GPC5: variants seen among roughly 807,000 people sequenced by gnomAD.
GPC5 encodes the protein glypican-5.
Under a neutral mutation model 53.9 loss-of-function variants are expected in GPC5, and 47 were observed. The ratio of observed to expected loss-of-function variants is 0.87; its 90% confidence interval spans 0.69 to 1.11. The LOEUF is 1.11. GPC5 is among the 50% of genes most tolerant of loss of function. The pLI, the probability that GPC5 is intolerant of heterozygous loss-of-function variation, is 0.00. For synonymous variants in GPC5, 286 were observed against 263.3 expected (o/e 1.09, Z -0.84); for missense variants, 748 against 713.1 (o/e 1.05, Z -0.56).
At chr13:92,805,276 C>A (rs1014616382) in intron 7 of GPC5, among the ~76,000 whole-genome samples, 8 of 152,030 alleles carry the variant, frequency 5.3e-5, no homozygotes, top group African/African-American at 1.9e-4. Context: ...AAATATATTT[C>A]TTAAGTAAGA....
intron 7 of GPC5, among the ~76,000 whole-genome samples, chr13:92,663,233 GT>G (rs944527594): frequency 1.3e-5 from 2 of 152,002 alleles, no homozygotes; most frequent in African/African-American, 4.8e-5. Context: ...ATAAAAACTA[GT>G]TATAACAAAT....
intron 7 of GPC5, among the ~76,000 whole-genome samples, chr13:92,446,254 C>T (rs541873767): frequency 6.6e-6 from 1 of 151,492 alleles, no homozygotes; most frequent in Non-Finnish European, 1.5e-5. Flanking sequence ...CCCCTGGTAC[C>T]CTTCCCAGCC....
intron 3 of GPC5, among the ~76,000 whole-genome samples, chr13:91,703,762 GC>G (rs151146569): frequency 0.018 from 2,681 of 152,218 alleles, 73 homozygotes; most frequent in African/African-American, 0.062. Context: ...CAACTGTGGA[GC>G]CATTCATCTG....
chr13:92,621,943 T>C (rs140015945), intron 7 of GPC5, among the ~76,000 whole-genome samples: 94 of 151,874 alleles, frequency 6.2e-4, no homozygotes, highest in Admixed American at 4.5e-3. Flanking sequence ...AAAACAACAA[T>C]AATAATAATA....
At chr13:92,823,836 G>A (rs1877752902) in intron 7 of GPC5, among the ~76,000 whole-genome samples, 1 of 151,966 alleles carries the variant, frequency 6.6e-6, no homozygotes. Flanking sequence ...CAGACATCAA[G>A]TTTACTTCTT....
intron 7 of GPC5, among the ~76,000 whole-genome samples, chr13:92,453,891 A>G (rs149789696): frequency 6.6e-6 from 1 of 152,296 alleles, no homozygotes; most frequent in Non-Finnish European, 1.5e-5. Flanking sequence ...GCATGTTATT[A>G]TTTAGGCTAC....
intron 5 of GPC5, among the ~76,000 whole-genome samples, chr13:91,814,479 A>T (rs1184254059): frequency 2.0e-5 from 3 of 152,078 alleles, no homozygotes; most frequent in Non-Finnish European, 4.4e-5. Flanking sequence ...TTCATTTGCA[A>T]GTTCTTAGTG....
At chr13:91,421,360 TATAAA>T (rs1401892413) in intron 1 of GPC5, among the ~76,000 whole-genome samples, 1 of 152,190 alleles carries the variant, frequency 6.6e-6, no homozygotes, top group African/African-American at 2.4e-5. Flanking sequence ...GTATTCTAGT[TATAAA>T]AGAGCACATT....
chr13:92,147,543 A>G (rs1040721400), intron 7 of GPC5, among the ~76,000 whole-genome samples: 11 of 151,990 alleles, frequency 7.2e-5, no homozygotes, highest in Admixed American at 5.9e-4. Flanking sequence ...AAGCATATTC[A>G]ACTACTAATA....
At chr13:91,889,575 A>T (rs2138965677) in intron 5 of GPC5, among the ~76,000 whole-genome samples, 1 of 152,200 alleles carries the variant, frequency 6.6e-6, no homozygotes, top group Non-Finnish European at 1.5e-5. Flanking sequence ...CATTCATGGG[A>T]TTTGTTACTA....
At chr13:92,820,574 C>A (rs1231255066) in intron 7 of GPC5, among the ~76,000 whole-genome samples, 1 of 152,072 alleles carries the variant, frequency 6.6e-6, no homozygotes, top group Non-Finnish European at 1.5e-5. Flanking sequence ...ACTCACAACG[C>A]CTTCGTTATC....
intron 7 of GPC5, among the ~76,000 whole-genome samples, chr13:92,323,359 T>C (rs1033666162): frequency 6.9e-6 from 1 of 145,230 alleles, no homozygotes; most frequent in Non-Finnish European, 1.5e-5. Context: ...ATATAACAGA[T>C]ACATATATAT....
Position 91,777,600 on chromosome 13 carries a change from A to G in GPC5, c.1280+21180A>G, listed in dbSNP as rs113264560. On this transcript the variant is annotated intron_variant, in intron 5 of 7. Transcript: ENST00000377067. ...GTGAAGGCGCTGCAAAGTTGTTAAT[A>G]GATTTCTTAAATTTCCGGGCTCTAT... Among the ~76,000 whole-genome samples, 1,485 of 152,328 alleles carry G rather than the reference A, an allele frequency of 9.7e-3. 20 individuals are homozygous for G. Among genetic ancestry groups the G allele is most frequent in the African/African-American group, 0.034 (1,423 of 41,580 alleles).
intron 7 of GPC5, among the ~76,000 whole-genome samples, chr13:92,613,643 TA>T (rs1884574560): frequency 7.3e-6 from 1 of 136,638 alleles, no homozygotes; most frequent in South Asian, 2.1e-4. Context: ...TTATAAATAT[TA>T]AATATATAAT....
intron 1 of GPC5, among the ~76,000 whole-genome samples, chr13:91,443,804 C>G (rs980021329): frequency 6.6e-6 from 1 of 152,136 alleles, no homozygotes; most frequent in Admixed American, 6.6e-5. Flanking sequence ...CATGTTGGTA[C>G]TTATAATTCA....
chr13:91,758,696 C>T (rs1182800153), intron 5 of GPC5, among the ~76,000 whole-genome samples: 6 of 152,122 alleles, frequency 3.9e-5, no homozygotes, highest in African/African-American at 1.2e-4. Context: ...TTCTGATTAG[C>T]GAAGTGTGTG....
chr13:91,709,931 CA>C (rs1265216338), intron 3 of GPC5, among the ~76,000 whole-genome samples: 2 of 152,194 alleles, frequency 1.3e-5, no homozygotes, highest in African/African-American at 4.8e-5. Context: ...AGCCCCATAG[CA>C]TGGTGTAAAG....
intron 2 of GPC5, among the ~76,000 whole-genome samples, chr13:91,511,710 G>GT (rs970378889): frequency 2.8e-4 from 42 of 148,712 alleles, no homozygotes; most frequent in Admixed American, 4.7e-4. Context: ...TTTCCATATG[G>GT]TTTTTTTTTC....
intron 6 of GPC5, among the ~76,000 whole-genome samples, chr13:92,052,265 G>A (rs565781379): frequency 1.3e-5 from 2 of 152,164 alleles, no homozygotes; most frequent in Non-Finnish European, 2.9e-5. Flanking sequence ...TGTGCCCGGG[G>A]TTGGTTCCTT....
Sources: gnomAD v4.1 joint callset for allele counts (sites outside exome capture counted in the v4.1 genomes callset) on GRCh38, gnomAD v4.1.1 for gene constraint, MANE v1.5 for transcripts, NCBI Gene and HGNC (gene_info 2026-07-23, HGNC 2026-07-21) for gene names.